Variants in TRAK2 observed in about 807,000 individuals in gnomAD.
TRAK2 encodes trafficking kinesin protein 2, also known as trafficking kinesin-binding protein 2.
In TRAK2, 81 loss-of-function variants were observed where a neutral mutation model predicts 104.6. That is an observed-to-expected ratio of 0.77 (90% confidence interval 0.65 to 0.93). The LOEUF (loss-of-function observed/expected upper bound fraction) is 0.93. Among genes scored for constraint, TRAK2 ranks in the 40% least tolerant of loss-of-function variants. The pLI is 0.00. For synonymous variants in TRAK2, 406 were observed against 394.4 expected (o/e 1.03, Z -0.35); for missense variants, 1,002 against 1,089.0 (o/e 0.92, Z 1.12).
chr2:201,386,783 T>C (rs1576505180), intron 13 of TRAK2, among the ~76,000 whole-genome samples: 1 of 152,130 alleles, frequency 6.6e-6, no homozygotes, highest in African/African-American at 2.4e-5. Context: ...TGATGGAAGA[T>C]ACGTGCCTAA....
rs556511194 is a variant in TRAK2, at chr2:201,420,398, T to C, written c.91+19A>G. 6.2e-7 allele frequency: 1 copy of C among 1,605,928 alleles called. No homozygotes were observed. The highest frequency in any genetic ancestry group is 2.2e-5 in the East Asian group (1 of 44,824). Reference sequence around the variant, plus strand: ...TCCTATAAGCGATAGCACTTCAATATTTATTAAACTGGACTTACCAGTGAT... The same window carrying C: ...TCCTATAAGCGATAGCACTTCAATACTTATTAAACTGGACTTACCAGTGAT... On this transcript the variant is annotated intron_variant, in intron 2 of 15. Coordinates refer to ENST00000332624, the MANE Select transcript of TRAK2 (RefSeq NM_015049.3).
rs369105759 is a variant in TRAK2 at position 201,422,210 on chromosome 2, G to A, written c.-199-1504C>T. Among the ~76,000 whole-genome samples, 19 of 152,142 alleles carry A rather than the reference G, an allele frequency of 1.2e-4. No homozygotes were observed. The East Asian group carries it at 3.3e-3, about 26-fold the overall frequency. The stretch of plus-strand genomic sequence containing the variant: ...CTCACGAAGTGTGCTAAGATGTAGG[G>A]ATAAGGATGCCCATACGGTATTGGT... On this transcript the variant is annotated intron_variant, in intron 1 of 15. Coordinates refer to ENST00000332624, the MANE Select transcript of TRAK2 (RefSeq NM_015049.3).
chr2:201,411,727 G>A (rs1951648821), intron 2 of TRAK2: 2 of 780,324 alleles, frequency 2.6e-6, no homozygotes. Flanking sequence ...GGAATTTGTT[G>A]TAAGAAGGGT....
At chr2:201,394,182 A>T (rs1053797225) in intron 9 of TRAK2, among the ~76,000 whole-genome samples, 54 of 152,280 alleles carry the variant, frequency 3.5e-4, no homozygotes, top group African/African-American at 1.2e-3. Flanking sequence ...ACTAGAACTT[A>T]TCTTATTTTA....
intron 1 of TRAK2, among the ~76,000 whole-genome samples, chr2:201,436,692 A>G (rs1440984289): frequency 6.6e-6 from 1 of 152,226 alleles, no homozygotes; most frequent in African/African-American, 2.4e-5. Flanking sequence ...TTGGTGGCTT[A>G]AGATGACTCT....
chr2:201,426,384 G>C (rs1322821603), intron 1 of TRAK2, among the ~76,000 whole-genome samples: 1 of 152,048 alleles, frequency 6.6e-6, no homozygotes, highest in Non-Finnish European at 1.5e-5. Context: ...TAAGCTTAGG[G>C]CTCCCACTGA....
At chr2:201,423,769 T>C (rs1951763179) in intron 1 of TRAK2, among the ~76,000 whole-genome samples, 1 of 152,150 alleles carries the variant, frequency 6.6e-6, no homozygotes, top group Non-Finnish European at 1.5e-5. Flanking sequence ...ATACAAAGTA[T>C]ATAATACACA....
intron 10 of TRAK2, among the ~76,000 whole-genome samples, chr2:201,391,638 T>C (rs1276515870): frequency 6.6e-6 from 1 of 152,200 alleles, no homozygotes; most frequent in Non-Finnish European, 1.5e-5. Context: ...TTAATTACCG[T>C]TAACTTTACA....
At chr2:201,398,767 T>C (rs1385923383) in intron 5 of TRAK2, among the ~76,000 whole-genome samples, 2 of 152,092 alleles carry the variant, frequency 1.3e-5, no homozygotes, top group Admixed American at 1.3e-4. Flanking sequence ...TTAAGATGTA[T>C]ATCACTGTGC....
chr2:201,405,907 G>A (rs1279701006), intron 3 of TRAK2, among the ~76,000 whole-genome samples: 4 of 152,118 alleles, frequency 2.6e-5, no homozygotes, highest in Admixed American at 6.5e-5. Flanking sequence ...GCTTGAACCC[G>A]GGGCGGGCAG....
chr2:201,444,016 C>T (rs1188737892), intron 1 of TRAK2, among the ~76,000 whole-genome samples: 1 of 152,054 alleles, frequency 6.6e-6, no homozygotes, highest in Non-Finnish European at 1.5e-5. Context: ...GCCTGGACAG[C>T]ATGGTAAAAC....
At chr2:201,411,573 TGATTAA>T in intron 2 of TRAK2, 1 of 765,704 alleles carries the variant, frequency 1.3e-6, no homozygotes, top group Non-Finnish European at 2.4e-6. Flanking sequence ...AGAATTGAAC[TGATTAA>T]GATTGTTTTC....
rs906268245 is a variant in TRAK2, at chr2:201,395,329, C to A, written c.885G>T (p.Gln295His). Residue 295 changes from glutamine to histidine, a missense_variant, in exon 8 of 16, where the codon CAG (glutamine) becomes CAT (histidine). Transcript: ENST00000332624. Reference protein sequence around the residue: ...SSLLSQIVDLQHKLKEHVIEK... With the variant: ...SSLLSQIVDLHHKLKEHVIEK... ...ATAAACCTACTTCTTTAAGTTTGTG[C>A]TGAAGGTCTACAATCTGTGACAAAA... is the stretch of plus-strand genomic sequence containing the variant. 1.2e-6 allele frequency: 2 copies of A among 1,604,406 alleles called. No homozygotes were observed. The highest frequency in any genetic ancestry group is 1.1e-5 in the South Asian group (1 of 89,818).
chr2:201,448,940 G>A (rs1174858430), intron 1 of TRAK2, among the ~76,000 whole-genome samples: 1 of 152,102 alleles, frequency 6.6e-6, no homozygotes, highest in African/African-American at 2.4e-5. Context: ...TCCTGCCTCG[G>A]GCTCTCAAAG....
Position 201,395,512 on chromosome 2 carries a change from G to C in TRAK2, c.770-68C>G. Reference sequence around the variant, plus strand: ...AGAAGGAGTTGGCAAACTATGACTTGTGAGCTAAATCTTGTTTTATAACAA... The same window carrying C: ...AGAAGGAGTTGGCAAACTATGACTTCTGAGCTAAATCTTGTTTTATAACAA... On this transcript the variant is annotated intron_variant, in intron 7 of 15. Transcript: ENST00000332624. 2.1e-6 allele frequency: 3 copies of C among 1,421,820 alleles called. No homozygotes were observed. The South Asian group carries it at 5.4e-5, about 25-fold the overall frequency. The allele number at this position is 1,421,820 out of a possible 1,614,324, so 88.1% of individuals were successfully genotyped here. A position where few individuals can be genotyped will look rare whatever the true frequency, so the allele number is the denominator to read the frequency against.
intron 1 of TRAK2, among the ~76,000 whole-genome samples, chr2:201,426,188 C>A (rs142845391): frequency 4.2e-4 from 64 of 152,278 alleles, no homozygotes; most frequent in African/African-American, 1.3e-3. Context: ...CCCCATCACT[C>A]GCATTACTGC....
intron 1 of TRAK2, among the ~76,000 whole-genome samples, chr2:201,424,177 C>G (rs949330973): frequency 1.6e-4 from 24 of 152,208 alleles, no homozygotes; most frequent in Non-Finnish European, 2.5e-4. Context: ...AGAAAGCAAT[C>G]TTCTCTGAAG....
chr2:201,396,433 G>A (rs1373845524), intron 7 of TRAK2, among the ~76,000 whole-genome samples: 2 of 152,100 alleles, frequency 1.3e-5, no homozygotes, highest in Non-Finnish European at 1.5e-5. Flanking sequence ...GCTATATACA[G>A]TAGTCCCCTC....
intron 1 of TRAK2, among the ~76,000 whole-genome samples, chr2:201,450,091 TGA>T (rs1423973936): frequency 6.6e-6 from 1 of 152,170 alleles, no homozygotes; most frequent in Non-Finnish European, 1.5e-5. Context: ...GCTAAATGTC[TGA>T]GACTTGCTGG....
Sources: allele counts gnomAD v4.1 joint callset (sites outside exome capture counted in the v4.1 genomes callset), GRCh38; gene constraint gnomAD v4.1.1; transcripts MANE v1.5; gene names NCBI Gene and HGNC (gene_info 2026-07-23, HGNC 2026-07-21).